EVPLL: variants seen among roughly 807,000 people sequenced by gnomAD.
EVPLL encodes the protein envoplakin like.
EVPLL carries 39 observed loss-of-function variants against 46.2 expected under a neutral mutation model. The ratio of observed to expected loss-of-function variants is 0.84; its 90% CI spans 0.65 to 1.10. The LOEUF is 1.10. EVPLL is among the 50% of genes least tolerant of loss of function. The pLI, the probability that EVPLL is intolerant of heterozygous loss-of-function variation, is 0.00. For synonymous variants in EVPLL, 156 were observed against 165.8 expected, an observed-to-expected ratio of 0.94 and a Z score of 0.46; for missense variants, 385 against 412.6, an observed-to-expected ratio of 0.93 and a Z score of 0.58.
Position 18,383,598 on chromosome 17 carries a change from G to T in EVPLL, c.876+11G>T. On this transcript the variant is annotated intron_variant, in intron 9 of 10. Coordinates refer to ENST00000399134, the MANE Select transcript of EVPLL (RefSeq NM_001145127.2). Reference sequence around the variant, plus strand: ...GAGGACTACAGCCGGGTGAGCCCTCGGGCAGCGGCAGGGCGGCAGGGCGGC... The same window carrying T: ...GAGGACTACAGCCGGGTGAGCCCTCTGGCAGCGGCAGGGCGGCAGGGCGGC... 8.3e-7 allele frequency: 1 copy of T among 1,205,292 alleles called. No individual in the cohort carries two copies. Among genetic ancestry groups the T allele is most frequent in the Non-Finnish European group, 1.1e-6 (1 of 921,266 alleles). The allele number at this position is 1,205,292 out of a possible 1,614,324, so 74.7% of individuals were successfully genotyped here.
In EVPLL at chr17:18,381,380, G is replaced by A. The variant is rs960659361; in HGVS notation, c.77G>A (p.Ser26Asn). Reference protein sequence around the residue: ...QKRLQQDRLNSEQSQALQHQQ... With the variant: ...QKRLQQDRLNNEQSQALQHQQ... ...CCCTGCCCACAGGACCGGCTGAACA[G>A]TGAGCAGAGCCAGGCCCTGCAGCAC... The change falls in exon 3 of 11, where the codon AGT (serine) becomes AAT (asparagine). Residue 26 changes from serine (S) to asparagine (N), a missense_variant. Coordinates refer to ENST00000399134, the MANE Select transcript of EVPLL (RefSeq NM_001145127.2). The surrounding 1 kb of genome is among the most constrained non-coding windows in gnomAD (Gnocchi z 4.2). 4 of 1,574,416 alleles carry A rather than the reference G, an allele frequency of 2.5e-6. No homozygotes were observed. Among genetic ancestry groups the A allele is most frequent in the East Asian group, 2.4e-5 (1 of 42,070 alleles).
intron 9 of EVPLL, among the ~76,000 whole-genome samples, chr17:18,387,244 A>G (rs1009760536): frequency 1.3e-5 from 2 of 151,716 alleles, no homozygotes; most frequent in African/African-American, 4.8e-5. Flanking sequence ...TTTGTTTAAG[A>G]AAGGGATCCT....
At chr17:18,378,341 C>T (rs916896905) in intron 1 of EVPLL, among the ~76,000 whole-genome samples, 17 of 152,154 alleles carry the variant, frequency 1.1e-4, no homozygotes, top group South Asian at 2.1e-4. Context: ...TGTGTGACTG[C>T]AGCTCTGCCC....
chr17:18,384,435 T>TTA (rs1987701967), intron 9 of EVPLL, among the ~76,000 whole-genome samples: 2 of 133,694 alleles, frequency 1.5e-5, no homozygotes, highest in Non-Finnish European at 3.3e-5. Context: ...GACTCTGTCT[T>TTA]AAAAAAAAAA....
At chr17:18,382,924 C>T in intron 6 of EVPLL, 60 bp downstream of exon 6, 1 of 1,598,294 alleles carries the variant, frequency 6.3e-7, no homozygotes, top group Admixed American at 1.8e-5. Flanking sequence ...GCCGCCCGGA[C>T]CCTGCCCGGG....
rs571353200 is a variant in EVPLL, at chr17:18,379,790, C to T, written c.-36-1112C>T. The T allele has an allele frequency of 2.6e-5, 4 of 152,328 alleles. No individual in the cohort carries two copies. The South Asian group carries it at 8.3e-4, about 32-fold the overall frequency. 9.4% of individuals were successfully genotyped at this position (152,328 alleles called of 1,614,324 possible). A position where few individuals can be genotyped will look rare whatever the true frequency, so the allele number is the denominator to read the frequency against. On this transcript the variant is annotated intron_variant, in intron 1 of 10. Coordinates refer to ENST00000399134, the MANE Select transcript of EVPLL (RefSeq NM_001145127.2). ...ATAAAAACTAACACGTGCTGGGTGC[C>T]GACTCTGCACCAGGCCTGCACTGGA...
chr17:18,381,013 C>T lies in EVPLL; in HGVS notation c.63+13C>T. ...GAGGCTGCAGCAGGTGAGAACCCGG[C>T]AGCAGTTGGCAGGGTGTGGGCAGGC... On this transcript the variant is annotated intron_variant, in intron 2 of 10. Coordinates refer to ENST00000399134, the MANE Select transcript of EVPLL (RefSeq NM_001145127.2). The surrounding 1 kb of genome is among the most constrained non-coding windows in gnomAD (Gnocchi z 4.2). The T allele has an allele frequency of 6.4e-7, 1 of 1,570,144 alleles. No individual in the cohort carries two copies. Among genetic ancestry groups the T allele is most frequent in the Non-Finnish European group, 8.6e-7 (1 of 1,158,366 alleles).
At chr17:18,387,775 C>G (rs1430956678) in intron 9 of EVPLL, 1 of 152,224 alleles carries the variant, frequency 6.6e-6, no homozygotes, top group Non-Finnish European at 1.5e-5. Flanking sequence ...TCTGAGAGGC[C>G]GAGGCTGGAG....
At chr17:18,380,805 G>C in intron 1 of EVPLL, 97 bp from the exon 2 acceptor site, 1 of 1,009,228 alleles carries the variant, frequency 9.9e-7, no homozygotes. Context: ...GGCTGTGGGG[G>C]CGGGATGGGG....
chr17:18,386,151 C>T (rs1205540340), intron 9 of EVPLL, among the ~76,000 whole-genome samples: 2 of 152,100 alleles, frequency 1.3e-5, no homozygotes, highest in South Asian at 2.1e-4. Context: ...CAGGGCGGTG[C>T]GGGAAGGCTC....
Position 18,382,525 on chromosome 17 carries a change from G to A in EVPLL, c.359G>A (p.Arg120His), listed in dbSNP as rs761518403. ...GGCTCTCCTGCAGAAGCTGGTCTGC[G>A]CAGGCCAGTATGGGCCGGGCATGGC... ...RAGAETEAGL[R>H]RPVWAGHGGA... Residue 120 changes from arginine (R) to histidine (H), a missense_variant, in exon 5 of 11, where the codon CGC becomes CAC. Arg to His is a conservative substitution (Grantham distance 29). Coordinates refer to ENST00000399134, the MANE Select transcript of EVPLL (RefSeq NM_001145127.2). The A allele has an allele frequency of 6.4e-7, 1 of 1,551,730 alleles. No homozygotes were observed. The highest frequency in any genetic ancestry group is 2.0e-5 in the Admixed American group (1 of 51,014).
At chr17:18,380,712 C>T (rs906756127) in intron 1 of EVPLL, 190 bp from the exon 2 acceptor site, 11 of 572,582 alleles carry the variant, frequency 1.9e-5, no homozygotes, top group East Asian at 1.4e-4. Context: ...CCTCATGTGG[C>T]GGGGCAGTGC....
In EVPLL at chr17:18,383,598, G is replaced by C. The variant is rs775491030; in HGVS notation, c.876+11G>C. ...GAGGACTACAGCCGGGTGAGCCCTC[G>C]GGCAGCGGCAGGGCGGCAGGGCGGC... is the stretch of plus-strand genomic sequence containing the variant. On this transcript the variant is annotated intron_variant, in intron 9 of 10. Transcript: ENST00000399134. 14 of 1,205,294 alleles carry C rather than the reference G, an allele frequency of 1.2e-5. No homozygotes were observed. The highest frequency in any genetic ancestry group is 7.1e-5 in the African/African-American group (2 of 28,242). 74.7% of individuals were successfully genotyped at this position (1,205,294 alleles called of 1,614,324 possible). A position where few individuals can be genotyped will look rare whatever the true frequency, so the allele number is the denominator to read the frequency against.
At position 18,381,374 on chromosome 17, in the gene EVPLL, T is replaced by C; in HGVS notation, c.71T>C (p.Leu24Pro). 1 of 1,568,598 alleles carries C rather than the reference T, an allele frequency of 6.4e-7. No homozygotes were observed. Among genetic ancestry groups the C allele is most frequent in the Non-Finnish European group, 8.6e-7 (1 of 1,157,580 alleles). Residue 24 changes from leucine (L) to proline (P), a missense_variant, in exon 3 of 11, where the codon CTG (leucine) becomes CCG (proline). Coordinates refer to ENST00000399134, the MANE Select transcript of EVPLL (RefSeq NM_001145127.2). The surrounding 1 kb of genome is among the most constrained non-coding windows in gnomAD (Gnocchi z 4.2). ...ETQKRLQQDR[L>P]NSEQSQALQH... Reference sequence around the variant, plus strand: ...CCCATCCCCTGCCCACAGGACCGGCTGAACAGTGAGCAGAGCCAGGCCCTG... The same window carrying C: ...CCCATCCCCTGCCCACAGGACCGGCCGAACAGTGAGCAGAGCCAGGCCCTG...
rs1241177513 is a variant in EVPLL at position 18,383,172 on chromosome 17, G to C, written c.659G>C (p.Arg220Pro). 1.0e-5 allele frequency: 16 copies of C among 1,549,170 alleles called. No homozygotes were observed. Among genetic ancestry groups the C allele is most frequent in the Non-Finnish European group, 1.4e-5 (16 of 1,153,136 alleles). Reference protein sequence around the residue: ...SDLMADPAGVRREYEHFKQHE... With the variant: ...SDLMADPAGVPREYEHFKQHE... ...CTCATGGCCGACCCTGCGGGCGTGC[G>C]GCGGGAATACGAGGTCGGCTGGCAG... Residue 220 changes from arginine (R) to proline (P), a missense_variant, in exon 7 of 11, where the codon CGG (arginine) becomes CCG (proline). Transcript: ENST00000399134.
intron 9 of EVPLL, 34 bp downstream of exon 9, chr17:18,383,621 G>A (rs750169185): frequency 3.1e-6 from 3 of 959,894 alleles, no homozygotes; most frequent in Non-Finnish European, 4.4e-6. Context: ...GCGGCAGGGC[G>A]GCAGGGCGGG....
At chr17:18,385,841 T>A (rs921609604) in intron 9 of EVPLL, among the ~76,000 whole-genome samples, 17 of 152,188 alleles carry the variant, frequency 1.1e-4, no homozygotes, top group African/African-American at 3.9e-4. Context: ...AAACATATGA[T>A]AATATACACT....
chr17:18,378,211 C>T (rs1400833544), intron 1 of EVPLL, among the ~76,000 whole-genome samples: 1 of 152,204 alleles, frequency 6.6e-6, no homozygotes, highest in Non-Finnish European at 1.5e-5. Flanking sequence ...CTGGGGCTCC[C>T]TACATCCTCT....
Position 18,383,569 on chromosome 17 carries a change from C to T in EVPLL, c.858C>T (p.His286=), listed in dbSNP as rs1987673269. The change falls in exon 9 of 11, where the codon CAC becomes CAT. Residue 286 remains histidine, a synonymous_variant. Transcript: ENST00000399134. ...LCICQETQLQ[H]VEDYSRILCP... is the part of the protein sequence containing the mutation. ...TCTGCCAGGAGACCCAGCTCCAGCACGTGGAGGACTACAGCCGGGTGAGCC... is the reference window on the plus strand; with the variant it reads ...TCTGCCAGGAGACCCAGCTCCAGCATGTGGAGGACTACAGCCGGGTGAGCC... 6 of 1,433,398 alleles carry T rather than the reference C, an allele frequency of 4.2e-6. No homozygotes were observed. Among genetic ancestry groups the T allele is most frequent in the Non-Finnish European group, 4.6e-6 (5 of 1,078,804 alleles). 88.8% of individuals were successfully genotyped at this position (1,433,398 alleles called of 1,614,324 possible).
Sources: allele counts gnomAD v4.1 joint callset (sites outside exome capture counted in the v4.1 genomes callset), GRCh38; gene constraint gnomAD v4.1.1; non-coding constraint Gnocchi (gnomAD v3.1); transcripts MANE v1.5; gene names NCBI Gene and HGNC (gene_info 2026-07-23, HGNC 2026-07-21).